ARHGAP10: variants seen among roughly 807,000 people sequenced by gnomAD.
The protein encoded by ARHGAP10 is rho GTPase-activating protein 10.
ARHGAP10 carries 87 observed loss-of-function variants against 108.6 expected under a neutral mutation model. The ratio of observed to expected loss-of-function variants is 0.80; its 90% confidence interval spans 0.67 to 0.96. ARHGAP10 has a LOEUF of 0.96. Ranked by LOEUF, ARHGAP10 falls within the 40% of genes least tolerant of loss-of-function variation. The pLI is 0.00. For missense variants in ARHGAP10, 939 were observed against 954.5 expected (o/e 0.98, Z 0.21); for synonymous variants, 347 against 341.1 (o/e 1.02, Z -0.19).
chr4:147,927,828 A>G (rs1357867906), intron 13 of ARHGAP10, among the ~76,000 whole-genome samples: 1 of 152,230 alleles, frequency 6.6e-6, no homozygotes, highest in Non-Finnish European at 1.5e-5. Context: ...ACTGAAGGGC[A>G]CATTGAGTGA....
At chr4:148,060,005 G>C (rs560176767) in intron 20 of ARHGAP10, among the ~76,000 whole-genome samples, 27 of 122,856 alleles carry the variant, frequency 2.2e-4, no homozygotes, top group South Asian at 8.9e-4. Context: ...GGGAGAGAGA[G>C]GAGAGAGAGA....
At chr4:147,832,885 A>G (rs1181337395) in intron 3 of ARHGAP10, among the ~76,000 whole-genome samples, 1 of 152,186 alleles carries the variant, frequency 6.6e-6, no homozygotes, top group African/African-American at 2.4e-5. Flanking sequence ...TGAAACGGAC[A>G]TGAGGTTACT....
chr4:147,754,499 G>C (rs747178470), intron 1 of ARHGAP10, among the ~76,000 whole-genome samples: 2 of 152,174 alleles, frequency 1.3e-5, no homozygotes, highest in Non-Finnish European at 2.9e-5. Context: ...GCCCCAAACT[G>C]CCTCCAGATA....
At chr4:148,001,753 A>G (rs1740728904) in intron 18 of ARHGAP10, among the ~76,000 whole-genome samples, 1 of 152,146 alleles carries the variant, frequency 6.6e-6, no homozygotes. Flanking sequence ...TGATTTTTGC[A>G]CATCGATTTT....
intron 18 of ARHGAP10, among the ~76,000 whole-genome samples, chr4:148,008,568 C>T (rs1469422265): frequency 6.6e-6 from 1 of 151,762 alleles, no homozygotes. Context: ...ACAACAACGA[C>T]TTAGCAGTCC....
At chr4:147,970,441 C>CA (rs1168778987) in intron 18 of ARHGAP10, among the ~76,000 whole-genome samples, 1 of 151,304 alleles carries the variant, frequency 6.6e-6, no homozygotes, top group Non-Finnish European at 1.5e-5. Flanking sequence ...GGGGAGGGTG[C>CA]AAAAAAGGAA....
At chr4:147,963,089 A>G (rs921245535) in intron 16 of ARHGAP10, among the ~76,000 whole-genome samples, 1 of 152,176 alleles carries the variant, frequency 6.6e-6, no homozygotes, top group Non-Finnish European at 1.5e-5. Context: ...AACTCTATTC[A>G]TATCGCTTTC....
chr4:147,754,765 T>G (rs1729299333), intron 1 of ARHGAP10, among the ~76,000 whole-genome samples: 1 of 152,138 alleles, frequency 6.6e-6, no homozygotes, highest in Middle Eastern at 3.2e-3. Flanking sequence ...AGTTGTACAT[T>G]CTTCTGTTAG....
chr4:147,732,775 G>C (rs987083711), intron 1 of ARHGAP10, among the ~76,000 whole-genome samples: 3 of 152,178 alleles, frequency 2.0e-5, no homozygotes, highest in Non-Finnish European at 4.4e-5. Context: ...CCGACCCTAG[G>C]CACTCCTGGC....
chr4:147,903,139 T>G (rs1157265001), intron 10 of ARHGAP10, among the ~76,000 whole-genome samples: 1 of 152,192 alleles, frequency 6.6e-6, no homozygotes, highest in Non-Finnish European at 1.5e-5. Flanking sequence ...CCTGTGTGGC[T>G]GGACCCCAGT....
intron 19 of ARHGAP10, among the ~76,000 whole-genome samples, chr4:148,042,052 T>A (rs1042651294): frequency 7.9e-5 from 12 of 152,196 alleles, no homozygotes; most frequent in Non-Finnish European, 1.8e-4. Context: ...CAACTCTCCC[T>A]TAGATACTGC....
intron 10 of ARHGAP10, among the ~76,000 whole-genome samples, chr4:147,898,723 A>T (rs545856776): frequency 6.6e-6 from 1 of 151,780 alleles, no homozygotes; most frequent in South Asian, 2.1e-4. Context: ...CTTCAAAACC[A>T]TTCAGTAGGA....
intron 18 of ARHGAP10, among the ~76,000 whole-genome samples, chr4:147,977,658 T>G (rs1046837910): frequency 6.6e-6 from 1 of 152,150 alleles, no homozygotes; most frequent in East Asian, 1.9e-4. Context: ...TGTGACTTTT[T>G]TTTTCCATTT....
chr4:147,940,986 A>C (rs1738146461), intron 14 of ARHGAP10, among the ~76,000 whole-genome samples: 1 of 152,202 alleles, frequency 6.6e-6, no homozygotes, highest in African/African-American at 2.4e-5. Context: ...CAATTTTGGC[A>C]GTCAGATTTT....
At chr4:148,061,416 G>C (rs1328735039) in intron 20 of ARHGAP10, among the ~76,000 whole-genome samples, 1 of 151,990 alleles carries the variant, frequency 6.6e-6, no homozygotes, top group Non-Finnish European at 1.5e-5. Context: ...ACGCCTACCT[G>C]TCCTTTCCGT....
At chr4:148,043,666 A>G (rs1387633227) in intron 19 of ARHGAP10, among the ~76,000 whole-genome samples, 43 of 86,004 alleles carry the variant, frequency 5.0e-4, no homozygotes, top group Non-Finnish European at 8.8e-4. Context: ...AGGTGTATAA[A>G]TATAGATATG....
chr4:147,869,580 T>C (rs1353217584), intron 7 of ARHGAP10, among the ~76,000 whole-genome samples: 2 of 148,518 alleles, frequency 1.3e-5, no homozygotes, highest in African/African-American at 5.1e-5. Flanking sequence ...TGACAGTTTA[T>C]TGAAAAAAAA....
intron 16 of ARHGAP10, among the ~76,000 whole-genome samples, chr4:147,955,751 G>A (rs1273657834): frequency 6.6e-6 from 1 of 152,138 alleles, no homozygotes; most frequent in Admixed American, 6.6e-5. Context: ...AAAGGTTGTG[G>A]AGATGAACAG....
chr4:147,996,508 C>T (rs768928575), intron 18 of ARHGAP10, among the ~76,000 whole-genome samples: 2 of 152,170 alleles, frequency 1.3e-5, no homozygotes, highest in Non-Finnish European at 2.9e-5. Flanking sequence ...GAGACTGAGA[C>T]TCCCTGGGGG....
Sources: gnomAD v4.1 joint callset for allele counts (sites outside exome capture counted in the v4.1 genomes callset) on GRCh38, gnomAD v4.1.1 for gene constraint, MANE v1.5 for transcripts, NCBI Gene and HGNC (gene_info 2026-07-23, HGNC 2026-07-21) for gene names.